The following AMELX variants were observed in gnomAD, a reference collection of about 807,000 sequenced individuals.
AMELX encodes amelogenin X-linked, also known as amelogenin, X isoform.
A neutral mutation model predicts 15.8 loss-of-function variants in AMELX; 9 were observed. The ratio of observed to expected loss-of-function variants is 0.57; its 90% CI spans 0.34 to 0.99. The LOEUF (loss-of-function observed/expected upper bound fraction) is 0.99. Ranked by LOEUF, AMELX falls within the 50% of genes least tolerant of loss-of-function variation. The probability of loss-of-function intolerance (pLI) is 0.02; values close to 1 mark genes in which losing one functional copy is unlikely to be tolerated. For synonymous variants in AMELX, 61 were observed against 58.8 expected, an observed-to-expected ratio of 1.04 and a Z score of -0.17; for missense variants, 107 against 156.2, an observed-to-expected ratio of 0.68 and a Z score of 1.68.
downstream of AMELX, among the ~76,000 whole-genome samples, chrX:11,304,777 C>CTTTTTTTTTTTT (rs953912280): frequency 8.0e-5 from 4 of 50,284 alleles, no homozygotes; most frequent in African/African-American, 2.6e-4. Flanking sequence ...CTTTCTTTTA[C>CTTTTTTTTTTTT]TTTTTTTTTT....
intron 5 of AMELX, among the ~76,000 whole-genome samples, chrX:11,299,546 A>G (rs2048142713): frequency 1.8e-5 from 2 of 112,399 alleles, no homozygotes; most frequent in Admixed American, 9.4e-5. Context: ...GGGGTTCTAT[A>G]GATGATTAAG....
chrX:11,301,692 T>C (rs1007863444), downstream of AMELX, among the ~76,000 whole-genome samples: 3 of 112,110 alleles, frequency 2.7e-5, no homozygotes, highest in Non-Finnish European at 5.6e-5. Flanking sequence ...TTCTAATCAA[T>C]TGAGTCAATA....
the AMELX span, among the ~76,000 whole-genome samples, chrX:11,309,225 C>A: frequency 8.9e-6 from 1 of 111,909 alleles, no homozygotes; most frequent in African/African-American, 3.2e-5. Context: ...GCCTGAAATA[C>A]ACACACCGTA....
At chrX:11,308,669 T>C in the AMELX span, among the ~76,000 whole-genome samples, 21 of 112,057 alleles carry the variant, frequency 1.9e-4, no homozygotes, top group African/African-American at 6.5e-4. Flanking sequence ...TCATCCTGGA[T>C]TAGTCTGGTG....
At chrX:11,294,008 G>A (rs1351154310) in intron 1 of AMELX, among the ~76,000 whole-genome samples, 2 of 112,386 alleles carry the variant, frequency 1.8e-5, no homozygotes, top group Non-Finnish European at 3.8e-5. Context: ...CATTTTAGGA[G>A]GACCTGTTTT....
chrX:11,303,954 C>T (rs978832854), downstream of AMELX, among the ~76,000 whole-genome samples: 2 of 112,105 alleles, frequency 1.8e-5, no homozygotes, highest in Admixed American at 9.4e-5. Flanking sequence ...AGCTACAGTT[C>T]TTGTAATCAG....
the AMELX span, among the ~76,000 whole-genome samples, chrX:11,308,095 T>C: frequency 2.7e-5 from 3 of 112,463 alleles, no homozygotes; most frequent in Non-Finnish European, 5.6e-5. Flanking sequence ...AATGAATTGA[T>C]GTGGCCTGAT....
intron 1 of AMELX, among the ~76,000 whole-genome samples, chrX:11,293,836 A>C (rs1277680354): frequency 8.9e-6 from 1 of 112,315 alleles, no homozygotes; most frequent in Non-Finnish European, 1.9e-5. Flanking sequence ...TTTCTCATTA[A>C]CCCAAACAAA....
the AMELX span, among the ~76,000 whole-genome samples, chrX:11,308,848 G>A: frequency 3.6e-3 from 408 of 112,403 alleles, 2 homozygotes; most frequent in African/African-American, 0.012. Flanking sequence ...ATAGCCAAAA[G>A]GAATGGTGCA....
chrX:11,304,385 C>T (rs781066697), downstream of AMELX, among the ~76,000 whole-genome samples: 29 of 111,423 alleles, frequency 2.6e-4, no homozygotes, highest in African/African-American at 8.5e-4. Context: ...CCACCATGCC[C>T]GGCCCATGTC....
chrX:11,294,011 C>G (rs1275233567), intron 1 of AMELX, among the ~76,000 whole-genome samples: 1 of 112,449 alleles, frequency 8.9e-6, no homozygotes, highest in Non-Finnish European at 1.9e-5. Flanking sequence ...TTTAGGAGGA[C>G]CTGTTTTGCT....
chrX:11,294,656 A>T, intron 1 of AMELX, 121 bp from the exon 2 acceptor site: 1 of 773,666 alleles, frequency 1.3e-6, no homozygotes, highest in Non-Finnish European at 2.0e-6. Context: ...AAATTCACAA[A>T]CAATGGCTCC....
chrX:11,301,441 C>A (rs1404000639), downstream of AMELX, among the ~76,000 whole-genome samples: 1 of 111,582 alleles, frequency 9.0e-6, no homozygotes, highest in African/African-American at 3.3e-5. Flanking sequence ...ATATTTGAAT[C>A]CTTTTTTCTT....
intron 5 of AMELX, among the ~76,000 whole-genome samples, chrX:11,299,825 T>C (rs912641899): frequency 8.9e-6 from 1 of 112,201 alleles, no homozygotes; most frequent in Admixed American, 9.4e-5. Flanking sequence ...GTTCCAATTC[T>C]GGCTTTGCCC....
At chrX:11,306,047 G>A in the AMELX span, among the ~76,000 whole-genome samples, 3 of 111,272 alleles carry the variant, frequency 2.7e-5, no homozygotes, top group Non-Finnish European at 5.7e-5. Flanking sequence ...CCAAACATCC[G>A]GGAGCAGCCA....
intron 4 of AMELX, 54 bp downstream of exon 4, chrX:11,298,331 T>C: frequency 8.6e-7 from 1 of 1,160,594 alleles, no homozygotes; most frequent in Non-Finnish European, 1.2e-6. Context: ...TGCATTAAAA[T>C]TCCCATATTA....
chrX:11,298,276 C>A lies in AMELX; in HGVS notation c.143C>A (p.Pro48Gln). ...PLKWYQSIRPPYPSYGYEPMG... is the reference protein window; with the variant it reads ...PLKWYQSIRPQYPSYGYEPMG... ...AAGTGGTACCAGAGCATAAGGCCAC[C>A]GGTATGTAGACATTTTGTTCCTTAT... is the stretch of plus-strand genomic sequence containing the variant. The change falls in exon 4 of 6, where the codon CCG (proline) becomes CAG (glutamine). Residue 48 changes from proline to glutamine, a missense_variant and splice_region_variant. Pro to Gln is a moderately conservative substitution (Grantham distance 76). Coordinates refer to ENST00000380714, the MANE Select transcript of AMELX (RefSeq NM_001142.2). The A allele has an allele frequency of 1.7e-6, 2 of 1,209,361 alleles. No homozygotes were observed. Among genetic ancestry groups the A allele is most frequent in the Non-Finnish European group, 2.2e-6 (2 of 893,639 alleles).
chrX:11,298,175 G>A, intron 3 of AMELX, 61 bp from the exon 4 acceptor site: 1 of 1,207,751 alleles, frequency 8.3e-7, no homozygotes, highest in Non-Finnish European at 1.1e-6. Context: ...GCATCAGTGA[G>A]TTTCTATATT....
rs1382810640 is a variant in AMELX at position 11,300,674 on chromosome X, C to T, written c.*62C>T. On this transcript the variant is annotated 3_prime_UTR_variant, in exon 6 of 6. Transcript: ENST00000380714. ...TGCTTTCAGGAGTGACACAAGAACACAATGATTTTTGCTTATAATCACTTT... is the reference window on the plus strand; with the variant it reads ...TGCTTTCAGGAGTGACACAAGAACATAATGATTTTTGCTTATAATCACTTT... 2 of 1,089,200 alleles carry T rather than the reference C, an allele frequency of 1.8e-6. No homozygotes were observed. Among genetic ancestry groups the T allele is most frequent in the East Asian group, 6.1e-5 (2 of 32,735 alleles). The allele number at this position is 1,089,200 out of a possible 1,213,427, so 89.8% of individuals were successfully genotyped here. A position where few individuals can be genotyped will look rare whatever the true frequency, so the allele number is the denominator to read the frequency against.
Sources: gnomAD v4.1 joint callset for allele counts (sites outside exome capture counted in the v4.1 genomes callset) on GRCh38, gnomAD v4.1.1 for gene constraint, MANE v1.5 for transcripts, NCBI Gene and HGNC (gene_info 2026-07-23, HGNC 2026-07-21) for gene names.